DOLPP1: variants seen among roughly 807,000 people sequenced by gnomAD.
The protein encoded by DOLPP1 is dolichyl pyrophosphate phosphatase 1.
A neutral mutation model predicts 34.1 loss-of-function variants in DOLPP1; 15 were observed. The observed-to-expected ratio is 0.44, with a 90% confidence interval of 0.29 to 0.68. The LOEUF is 0.68. DOLPP1 is among the 30% of genes least tolerant of loss of function. DOLPP1 has a pLI of 0.12. For missense variants in DOLPP1, 249 were observed against 307.1 expected (o/e 0.81, Z 1.41); for synonymous variants, 130 against 128.2 (o/e 1.01, Z -0.10).
At position 129,089,050 on chromosome 9, in the gene DOLPP1, C is replaced by A; in HGVS notation, c.*43C>A. 2 of 1,604,958 alleles carry A rather than the reference C, an allele frequency of 1.2e-6. No homozygotes were observed. Among genetic ancestry groups the A allele is most frequent in the South Asian group, 1.1e-5 (1 of 90,888 alleles). ...GTCCAGCCTCCAGATCTGGCCCGCA[C>A]GATGCCTTGCAGGATGGACAGGATG... On this transcript the variant is annotated 3_prime_UTR_variant, in exon 8 of 8. Coordinates refer to ENST00000372546, the MANE Select transcript of DOLPP1 (RefSeq NM_020438.5). The surrounding 1 kb of genome is among the most constrained non-coding windows in gnomAD (Gnocchi z 4.9).
chr9:129,084,637 GTCC>G (rs1302087428), intron 1 of DOLPP1, 28 bp from the exon 2 acceptor site: 3 of 1,471,612 alleles, frequency 2.0e-6, no homozygotes, highest in East Asian at 2.3e-5. Flanking sequence ...CCTGTGCCCT[GTCC>G]TCCTGATTCT....
At chr9:129,087,318 C>CTTT (rs71507949) in intron 7 of DOLPP1, among the ~76,000 whole-genome samples, 5 of 135,748 alleles carry the variant, frequency 3.7e-5, no homozygotes, top group South Asian at 2.3e-4. Context: ...TCTTTTTTTT[C>CTTT]TTTTTTTTTT....
chr9:129,086,191 G>A lies in DOLPP1; in HGVS notation c.514G>A (p.Gly172Arg). 1 of 1,613,294 alleles carries A rather than the reference G, an allele frequency of 6.2e-7. No individual in the cohort carries two copies. The highest frequency in any genetic ancestry group is 8.5e-7 in the Non-Finnish European group (1 of 1,179,674). Residue 172 changes from glycine to arginine, a missense_variant, in exon 6 of 8, where the codon GGA (glycine) becomes AGA (arginine). Gly to Arg is a moderately radical substitution (Grantham distance 125, BLOSUM62 -2). Transcript: ENST00000372546. ...WSQVLYGGIA[G>R]GLMAIAWFIF... ...CCAGGTGCTCTATGGAGGCATCGCT[G>A]GAGGCCTCATGGCCATCGCCTGGTT...
Position 129,088,973 on chromosome 9 carries a change from A to G in DOLPP1, c.683A>G (p.Asn228Ser). 5 of 1,613,850 alleles carry G rather than the reference A, an allele frequency of 3.1e-6. No individual in the cohort carries two copies. The highest frequency in any genetic ancestry group is 1.1e-5 in the South Asian group (1 of 91,084). ...CTGACCCCCATCCTGTTTTGCAGGA[A>G]CAGACAACGCAAGCTGGGGACGAAA... ...EYTVTRAEARNRQRKLGTKLQ is the reference protein window; with the variant it reads ...EYTVTRAEARSRQRKLGTKLQ Residue 228 changes from asparagine to serine, a missense_variant and splice_region_variant, in exon 8 of 8, where the codon AAC becomes AGC. Asn to Ser is a conservative substitution (Grantham distance 46). Transcript: ENST00000372546.
intron 1 of DOLPP1, among the ~76,000 whole-genome samples, chr9:129,081,702 G>C (rs904787272): frequency 5.9e-5 from 9 of 152,214 alleles, no homozygotes; most frequent in African/African-American, 1.7e-4. Flanking sequence ...GTGGTGCCAC[G>C]CCCTGAGCAG....
Position 129,085,404 on chromosome 9 carries a change from G to A in DOLPP1, c.362+98G>A, listed in dbSNP as rs970601540. The A allele has an allele frequency of 1.2e-4, 178 of 1,509,204 alleles. No homozygotes were observed. Among genetic ancestry groups the A allele is most frequent in the Non-Finnish European group, 1.5e-4 (168 of 1,088,560 alleles). 93.5% of individuals were successfully genotyped at this position (1,509,204 alleles called of 1,614,324 possible). On this transcript the variant is annotated intron_variant, in intron 4 of 7. Transcript: ENST00000372546. The surrounding 1 kb of genome is among the most constrained non-coding windows in gnomAD (Gnocchi z 7.0). The stretch of plus-strand genomic sequence containing the variant: ...CCTTTGGATGCCCCTGGGGTGGGAG[G>A]GGCTGCAGCGGAGGCAGAAGGTACC...
rs780883291 is a variant in DOLPP1 at position 129,085,203 on chromosome 9, C to G, written c.263-4C>G. ...GTGATGCCCTGGTCTCCTCTCTCTCCCAGGCCCCCACACAGCAGTGGGCAC... is the reference window on the plus strand; with the variant it reads ...GTGATGCCCTGGTCTCCTCTCTCTCGCAGGCCCCCACACAGCAGTGGGCAC... On this transcript the variant is annotated splice_region_variant and splice_polypyrimidine_tract_variant and intron_variant, in intron 3 of 7. Coordinates refer to ENST00000372546, the MANE Select transcript of DOLPP1 (RefSeq NM_020438.5). The surrounding 1 kb of genome is among the most constrained non-coding windows in gnomAD (Gnocchi z 7.0). 5.7e-5 allele frequency: 92 copies of G among 1,613,828 alleles called. No homozygotes were observed. Among genetic ancestry groups the G allele is most frequent in the Non-Finnish European group, 7.8e-5 (92 of 1,179,952 alleles).
intron 1 of DOLPP1, 26 bp from the exon 2 acceptor site, chr9:129,084,642 C>T (rs1445868040): frequency 3.3e-6 from 5 of 1,508,694 alleles, no homozygotes; most frequent in Non-Finnish European, 4.6e-6. Flanking sequence ...GCCCTGTCCT[C>T]CTGATTCTGT....
Position 129,085,462 on chromosome 9 carries a change from T to A in DOLPP1, c.363-56T>A, listed in dbSNP as rs1410149361. 2.5e-6 allele frequency: 4 copies of A among 1,577,958 alleles called. No homozygotes were observed. The Admixed American group carries it at 6.7e-5, about 26-fold the overall frequency. On this transcript the variant is annotated intron_variant, in intron 4 of 7. Transcript: ENST00000372546. This position sits in a 1 kb window ranked among gnomAD's most constrained non-coding sequence, Gnocchi z 7.0. ...CATTTGGATGGGGCCAGGGACTGTT[T>A]GGGAGGCCTGGGCTGGGCTGTGGGC...
At chr9:129,084,266 G>C (rs1306269727) in intron 1 of DOLPP1, among the ~76,000 whole-genome samples, 1 of 152,206 alleles carries the variant, frequency 6.6e-6, no homozygotes, top group Non-Finnish European at 1.5e-5. Flanking sequence ...CACCAGGCCG[G>C]GTTCACCTTC....
At chr9:129,081,929 G>A (rs1846896870) in intron 1 of DOLPP1, among the ~76,000 whole-genome samples, 1 of 152,248 alleles carries the variant, frequency 6.6e-6, no homozygotes, top group Non-Finnish European at 1.5e-5. Flanking sequence ...GAGGCCTTGT[G>A]CAGGTGCCTG....
intron 1 of DOLPP1, among the ~76,000 whole-genome samples, chr9:129,084,314 A>G (rs1388318076): frequency 1.3e-5 from 2 of 152,234 alleles, no homozygotes; most frequent in Non-Finnish European, 2.9e-5. Flanking sequence ...TGTCTGGAAC[A>G]GGTCAGAGAC....
At chr9:129,087,567 C>T (rs1410673383) in intron 7 of DOLPP1, among the ~76,000 whole-genome samples, 1 of 152,166 alleles carries the variant, frequency 6.6e-6, no homozygotes, top group African/African-American at 2.4e-5. Context: ...CCACCCGCCT[C>T]GGCCTTCCAA....
At chr9:129,084,966 T>A (rs1846959839) in intron 2 of DOLPP1, 57 bp from the exon 3 acceptor site, 5 of 1,530,702 alleles carry the variant, frequency 3.3e-6, no homozygotes, top group Non-Finnish European at 4.4e-6. Context: ...TCTTTGGGAC[T>A]AGGTAGCAGC....
Position 129,084,665 on chromosome 9 carries a change from C to T in DOLPP1, c.77-3C>T. The stretch of plus-strand genomic sequence containing the variant: ...CTCCTGATTCTGTTCTCTGTCTTGC[C>T]AGGTGATCTCTCTGGCCACCTCCTT... On this transcript the variant is annotated splice_region_variant and splice_polypyrimidine_tract_variant and intron_variant, in intron 1 of 7. Coordinates refer to ENST00000372546, the MANE Select transcript of DOLPP1 (RefSeq NM_020438.5). 1 of 1,600,286 alleles carries T rather than the reference C, an allele frequency of 6.2e-7. No individual in the cohort carries two copies. Among genetic ancestry groups the T allele is most frequent in the Non-Finnish European group, 8.6e-7 (1 of 1,167,154 alleles).
In DOLPP1 at chr9:129,081,341, G is replaced by C. The variant is rs572576154; in HGVS notation, c.76+134G>C. ...GAACTGTCAAATAGTGAACCACGGAGGGGCTCGGCCGGCGCGCGCGCCGCG... is the reference window on the plus strand; with the variant it reads ...GAACTGTCAAATAGTGAACCACGGACGGGCTCGGCCGGCGCGCGCGCCGCG... On this transcript the variant is annotated intron_variant, in intron 1 of 7. Coordinates refer to ENST00000372546, the MANE Select transcript of DOLPP1 (RefSeq NM_020438.5). 2.6e-6 allele frequency: 3 copies of C among 1,157,484 alleles called. No homozygotes were observed. The African/African-American group carries it at 4.8e-5, about 19-fold the overall frequency. The allele number at this position is 1,157,484 out of a possible 1,614,324, so 71.7% of individuals were successfully genotyped here.
chr9:129,081,605 C>A (rs979938154), intron 1 of DOLPP1, among the ~76,000 whole-genome samples: 10 of 152,224 alleles, frequency 6.6e-5, no homozygotes, highest in African/African-American at 2.4e-4. Flanking sequence ...GTCTTGTTTC[C>A]TTCGAACAGT....
Position 129,085,420 on chromosome 9 carries a change from A to G in DOLPP1, c.363-98A>G. Reference sequence around the variant, plus strand: ...GGGTGGGAGGGGCTGCAGCGGAGGCAGAAGGTACCCAGGGAGCATTTGGAT... The same window carrying G: ...GGGTGGGAGGGGCTGCAGCGGAGGCGGAAGGTACCCAGGGAGCATTTGGAT... On this transcript the variant is annotated intron_variant, in intron 4 of 7. Coordinates refer to ENST00000372546, the MANE Select transcript of DOLPP1 (RefSeq NM_020438.5). This position sits in a 1 kb window ranked among gnomAD's most constrained non-coding sequence, Gnocchi z 7.0. 1 of 1,515,198 alleles carries G rather than the reference A, an allele frequency of 6.6e-7. No homozygotes were observed. Among genetic ancestry groups the G allele is most frequent in the Non-Finnish European group, 9.1e-7 (1 of 1,094,950 alleles). 93.9% of individuals were successfully genotyped at this position (1,515,198 alleles called of 1,614,324 possible).
intron 5 of DOLPP1, 106 bp from the exon 6 acceptor site, chr9:129,086,033 A>G: frequency 8.8e-7 from 1 of 1,141,930 alleles, no homozygotes; most frequent in Non-Finnish European, 1.3e-6. Flanking sequence ...CTGTGTCTCC[A>G]CATGTGTGGG....
Sources: allele counts gnomAD v4.1 joint callset (sites outside exome capture counted in the v4.1 genomes callset), GRCh38; gene constraint gnomAD v4.1.1; non-coding constraint Gnocchi (gnomAD v3.1); transcripts MANE v1.5; gene names NCBI Gene and HGNC (gene_info 2026-07-23, HGNC 2026-07-21).